The following SCARB2 variants were observed in gnomAD, a reference collection of about 807,000 sequenced individuals.
SCARB2 encodes the protein scavenger receptor class B member 2, also known as lysosome membrane protein 2.
SCARB2 carries 29 observed loss-of-function variants against 58.6 expected under a neutral mutation model. The observed-to-expected ratio is 0.49, with a 90% CI of 0.37 to 0.67. The LOEUF is 0.67. SCARB2 is among the 30% of genes least tolerant of loss of function. The pLI, the probability that SCARB2 is intolerant of heterozygous loss-of-function variation, is 0.00. For missense variants in SCARB2, 488 were observed against 578.5 expected (o/e 0.84, Z 1.60); for synonymous variants, 195 against 210.1 (o/e 0.93, Z 0.62).
intron 1 of SCARB2, among the ~76,000 whole-genome samples, chr4:76,219,671 T>G (rs1300089200): frequency 6.6e-6 from 1 of 152,034 alleles, no homozygotes; most frequent in Non-Finnish European, 1.5e-5. Context: ...AGAGGCAGAC[T>G]TTGTCAGCCT....
chr4:76,183,695 C>T (rs1732431174), intron 2 of SCARB2, among the ~76,000 whole-genome samples: 1 of 152,208 alleles, frequency 6.6e-6, no homozygotes, highest in Non-Finnish European at 1.5e-5. Context: ...TTGTGATCAA[C>T]CCAACTTTCA....
chr4:76,168,429 A>G lies in SCARB2; in HGVS notation c.1161T>C (p.Ile387=). 6.2e-7 allele frequency: 1 copy of G among 1,614,174 alleles called. No homozygotes were observed. Among genetic ancestry groups the G allele is most frequent in the South Asian group, 1.1e-5 (1 of 91,084 alleles). Residue 387 remains isoleucine, a synonymous_variant, in exon 9 of 12, where the codon ATT becomes ATC. Coordinates refer to ENST00000264896, the MANE Select transcript of SCARB2 (RefSeq NM_005506.4). ...CAAAGTCATCTAATTTTTTGACATA[A>G]ATGTTGATTTGGAACCTCTTGGCTG... ...LKAAKRFQIN[I]YVKKLDDFVE...
At chr4:76,208,460 A>G (rs553201171) in intron 1 of SCARB2, among the ~76,000 whole-genome samples, 1 of 152,308 alleles carries the variant, frequency 6.6e-6, no homozygotes, top group South Asian at 2.1e-4. Flanking sequence ...CTCCGTTATA[A>G]ACTTGGAAAA....
At chr4:76,217,159 CTT>C (rs1193345637), upstream of SCARB2, among the ~76,000 whole-genome samples, 1 of 152,212 alleles carries the variant, frequency 6.6e-6, no homozygotes. Context: ...CTATGAGAGA[CTT>C]TGCCCTCTCA....
At chr4:76,213,212 C>G (rs1733098107) in intron 1 of SCARB2, 1 of 587,242 alleles carries the variant, frequency 1.7e-6, no homozygotes, top group African/African-American at 1.9e-5. Flanking sequence ...GATCCATAGC[C>G]TTACTTATCA....
intron 1 of SCARB2, among the ~76,000 whole-genome samples, chr4:76,232,669 A>G (rs1379671822): frequency 6.6e-6 from 1 of 152,194 alleles, no homozygotes; most frequent in Non-Finnish European, 1.5e-5. Flanking sequence ...CATCATTATG[A>G]CAATTTCATT....
chr4:76,197,477 A>C (rs531676984), intron 1 of SCARB2, among the ~76,000 whole-genome samples: 84 of 152,324 alleles, frequency 5.5e-4, no homozygotes, highest in African/African-American at 1.9e-3. Context: ...GCGGACCAGA[A>C]GCCTGGAGTC....
intron 7 of SCARB2, 97 bp from the exon 8 acceptor site, chr4:76,170,082 A>G: frequency 9.5e-7 from 1 of 1,051,632 alleles, no homozygotes; most frequent in Middle Eastern, 2.1e-4. Flanking sequence ...TTCCTAAAGA[A>G]AAACAAAAAA....
upstream of SCARB2, chr4:76,214,084 C>G (rs1016330421): frequency 1.7e-5 from 6 of 353,386 alleles, no homozygotes; most frequent in South Asian, 1.2e-4. Flanking sequence ...CCGAAATTGC[C>G]GAACCTGGTT....
intron 7 of SCARB2, chr4:76,173,194 C>CAGA (rs1732168577): frequency 6.6e-6 from 1 of 152,162 alleles, no homozygotes; most frequent in South Asian, 2.1e-4. Flanking sequence ...TGGAAAGGAG[C>CAGA]AGAGTAGCTC....
At chr4:76,215,027 C>T (rs1359563109), upstream of SCARB2, among the ~76,000 whole-genome samples, 1 of 152,224 alleles carries the variant, frequency 6.6e-6, no homozygotes, top group African/African-American at 2.4e-5. Context: ...TGGGCTTGTC[C>T]CAGAAGTCTG....
chr4:76,170,331 C>T (rs1732101800), intron 7 of SCARB2, among the ~76,000 whole-genome samples: 1 of 152,058 alleles, frequency 6.6e-6, no homozygotes, highest in Non-Finnish European at 1.5e-5. Context: ...GAACTATTAG[C>T]CTCACTTTGC....
chr4:76,188,169 T>G (rs1365977273), intron 2 of SCARB2, among the ~76,000 whole-genome samples: 1 of 152,146 alleles, frequency 6.6e-6, no homozygotes, highest in Non-Finnish European at 1.5e-5. Flanking sequence ...AAAAGGTATC[T>G]GACAAGATAA....
chr4:76,190,004 T>C (rs1578729465), intron 2 of SCARB2, among the ~76,000 whole-genome samples: 1 of 149,552 alleles, frequency 6.7e-6, no homozygotes, highest in African/African-American at 2.5e-5. Flanking sequence ...GTGGTATACT[T>C]GACACTTTTT....
chr4:76,199,814 G>C (rs1732793503), intron 1 of SCARB2, among the ~76,000 whole-genome samples: 1 of 152,152 alleles, frequency 6.6e-6, no homozygotes, highest in Non-Finnish European at 1.5e-5. Context: ...AAAAGGGAGA[G>C]TTCAACTCTA....
chr4:76,216,816 A>C (rs879539737), upstream of SCARB2, among the ~76,000 whole-genome samples: 5 of 152,356 alleles, frequency 3.3e-5, no homozygotes, highest in Middle Eastern at 3.4e-3. Context: ...ATGTGTTAAC[A>C]TAAGACAGAA....
chr4:76,203,560 T>C (rs1352813786), intron 1 of SCARB2, among the ~76,000 whole-genome samples: 2 of 152,230 alleles, frequency 1.3e-5, no homozygotes, highest in African/African-American at 2.4e-5. Context: ...TGAGACTGTT[T>C]TAAAACAAAA....
chr4:76,224,051 C>A (rs1050439310), intron 1 of SCARB2, among the ~76,000 whole-genome samples: 1 of 152,126 alleles, frequency 6.6e-6, no homozygotes, highest in Non-Finnish European at 1.5e-5. Flanking sequence ...AAGGGAAAGA[C>A]AATTTATTAT....
intron 1 of SCARB2, among the ~76,000 whole-genome samples, chr4:76,202,677 T>C (rs1019645137): frequency 6.6e-6 from 1 of 152,082 alleles, no homozygotes; most frequent in Non-Finnish European, 1.5e-5. Context: ...TTAAATCCCC[T>C]GTAATCCACA....
Sources: allele counts gnomAD v4.1 joint callset (sites outside exome capture counted in the v4.1 genomes callset), GRCh38; gene constraint gnomAD v4.1.1; transcripts MANE v1.5; gene names NCBI Gene and HGNC (gene_info 2026-07-23, HGNC 2026-07-21).